PDE4A: variants seen among roughly 807,000 people sequenced by gnomAD.
The protein encoded by PDE4A is phosphodiesterase 4A.
PDE4A carries 21 observed loss-of-function variants against 73.9 expected under a neutral mutation model. That is an observed-to-expected ratio of 0.28 (90% CI 0.20 to 0.41). PDE4A has a LOEUF of 0.41. PDE4A is among the 10% of genes least tolerant of loss of function. The pLI is 1.00. For missense variants in PDE4A, 958 were observed against 1,211.4 expected (o/e 0.79, Z 3.10); for synonymous variants, 463 against 505.4 (o/e 0.92, Z 1.13).
chr19:10,417,664 C>A, upstream of PDE4A: 1 of 1,593,016 alleles, frequency 6.3e-7, no homozygotes, highest in South Asian at 1.1e-5. Flanking sequence ...CCCCAGAGGT[C>A]GAGGGAGACC....
intron 1 of PDE4A, chr19:10,430,900 C>G (rs760651202): frequency 1.3e-6 from 2 of 1,492,846 alleles, no homozygotes; most frequent in Non-Finnish European, 1.8e-6. Flanking sequence ...GTGGCCTTCC[C>G]GGTGGCGGTG....
In PDE4A at chr19:10,450,891, C is replaced by G. The variant is rs28395783; in HGVS notation, c.733C>G (p.Leu245Val). Residue 245 changes from leucine (L) to valine (V), a missense_variant, in exon 6 of 15, where the codon CTG (leucine) becomes GTG (valine). By Grantham distance (32) the Leu-to-Val change is conservative (BLOSUM62 1). Transcript: ENST00000380702. ...GGAGCTGGACTGGTGTCTGGAGCAG[C>G]TGGAGACCATGCAGACCTATCGCTC... Reference protein sequence around the residue: ...LEELDWCLEQLETMQTYRSVS... With the variant: ...LEELDWCLEQVETMQTYRSVS... 1 of 1,611,546 alleles carries G rather than the reference C, an allele frequency of 6.2e-7. No individual in the cohort carries two copies. The highest frequency in any genetic ancestry group is 1.3e-5 in the African/African-American group (1 of 75,020).
chr19:10,436,918 A>T (rs1465575425), intron 1 of PDE4A, among the ~76,000 whole-genome samples: 1 of 152,142 alleles, frequency 6.6e-6, no homozygotes, highest in African/African-American at 2.4e-5. Context: ...GCACACCTGT[A>T]GTCCCAGCTA....
intron 14 of PDE4A, among the ~76,000 whole-genome samples, chr19:10,464,878 G>A (rs770141783): frequency 1.1e-4 from 16 of 151,506 alleles, no homozygotes; most frequent in Admixed American, 2.0e-4. Flanking sequence ...CACCACACTC[G>A]GCTAATTTTT....
intron 1 of PDE4A, among the ~76,000 whole-genome samples, chr19:10,441,490 C>T (rs1186117224): frequency 1.3e-5 from 2 of 151,800 alleles, no homozygotes; most frequent in Non-Finnish European, 2.9e-5. Flanking sequence ...CTCCTGGTCT[C>T]AAGCCATCCT....
At chr19:10,447,715 C>G (rs763344930) in intron 2 of PDE4A, among the ~76,000 whole-genome samples, 10 of 152,176 alleles carry the variant, frequency 6.6e-5, no homozygotes, top group Non-Finnish European at 1.0e-4. Flanking sequence ...GAGTGCCCAC[C>G]CACTGTATCC....
chr19:10,417,372 G>T (rs1288354404), upstream of PDE4A: 6 of 985,290 alleles, frequency 6.1e-6, no homozygotes, highest in East Asian at 6.8e-4. Flanking sequence ...AAGGTGATGT[G>T]TTAGAGAGGT....
upstream of PDE4A, chr19:10,417,112 G>T: frequency 6.9e-7 from 1 of 1,450,380 alleles, no homozygotes; most frequent in Non-Finnish European, 9.1e-7. Flanking sequence ...TGAGGAGTTT[G>T]GTCCCCTCGT....
At chr19:10,435,902 C>G (rs1448583869) in intron 1 of PDE4A, among the ~76,000 whole-genome samples, 3 of 152,306 alleles carry the variant, frequency 2.0e-5, no homozygotes, top group South Asian at 2.1e-4. Flanking sequence ...AGTTCTATAG[C>G]CCTGTCCCCT....
At chr19:10,451,672 T>C (rs2043093549) in intron 6 of PDE4A, among the ~76,000 whole-genome samples, 2 of 151,988 alleles carry the variant, frequency 1.3e-5, no homozygotes, top group South Asian at 4.1e-4. Flanking sequence ...GCTCTATGTG[T>C]TTGTGAATGT....
intron 1 of PDE4A, 126 bp downstream of exon 1, chr19:10,421,210 A>G (rs2042647245): frequency 1.9e-5 from 25 of 1,333,178 alleles, no homozygotes; most frequent in Non-Finnish European, 2.4e-5. Flanking sequence ...GGGCGGAGGG[A>G]ATTCGGCTGC....
At chr19:10,452,989 C>A in intron 6 of PDE4A, 1 of 1,275,826 alleles carries the variant, frequency 7.8e-7, no homozygotes, top group Non-Finnish European at 9.9e-7. Context: ...CTTGCCCTGC[C>A]CCCCTCCCAT....
chr19:10,467,629 A>G lies in PDE4A; in HGVS notation c.*8A>G. 6.5e-7 allele frequency: 1 copy of G among 1,536,490 alleles called. No individual in the cohort carries two copies. Among genetic ancestry groups the G allele is most frequent in the Non-Finnish European group, 8.8e-7 (1 of 1,140,350 alleles). On this transcript the variant is annotated 3_prime_UTR_variant, in exon 15 of 15. Transcript: ENST00000380702. ...GGTGGAGACCCTACCTGATCCCCAG[A>G]CCTCTGTCCCTGTTCCCCTCCACTC...
chr19:10,429,246 GGGAAA>G lies in PDE4A; in HGVS notation c.320+8179_320+8183del, dbSNP rs781625005. On this transcript the variant is annotated intron_variant, in intron 1 of 14. Coordinates refer to ENST00000380702, the MANE Select transcript of PDE4A (RefSeq NM_001111307.2). ...AAAAGAAAGAAAGAGAGGGACGGAG[GGGAAA>G]GGAAAGGAAAGGAAAGAAGGAAGGA... Among the ~76,000 whole-genome samples, 1,073 of 149,304 alleles carry G rather than the reference GGGAAA, an allele frequency of 7.2e-3. 12 individuals are homozygous for G. Among genetic ancestry groups the G allele is most frequent in the African/African-American group, 0.024 (968 of 40,384 alleles).
intron 1 of PDE4A, among the ~76,000 whole-genome samples, chr19:10,440,859 A>C (rs1464380568): frequency 1.3e-5 from 2 of 151,592 alleles, no homozygotes; most frequent in Non-Finnish European, 2.9e-5. Context: ...CGGCCTCCCA[A>C]AGTGCTGGGA....
intron 14 of PDE4A, among the ~76,000 whole-genome samples, chr19:10,465,523 C>T (rs1164235470): frequency 6.6e-6 from 1 of 150,854 alleles, no homozygotes; most frequent in Non-Finnish European, 1.5e-5. Flanking sequence ...CCCAGCCTCC[C>T]CCTGCTCATT....
chr19:10,417,717 C>T, upstream of PDE4A: 1 of 1,592,174 alleles, frequency 6.3e-7, no homozygotes, highest in South Asian at 1.1e-5. Flanking sequence ...CGACCTGCGT[C>T]GCCCTCGCCG....
intron 14 of PDE4A, among the ~76,000 whole-genome samples, chr19:10,465,273 T>G (rs1056474328): frequency 1.2e-4 from 18 of 150,738 alleles, no homozygotes; most frequent in African/African-American, 4.4e-4. Flanking sequence ...CAGGCTGGAG[T>G]ACAGTGGTGC....
At chr19:10,422,476 C>A (rs1035464918) in intron 1 of PDE4A, among the ~76,000 whole-genome samples, 1 of 152,140 alleles carries the variant, frequency 6.6e-6, no homozygotes, top group Non-Finnish European at 1.5e-5. Context: ...TGTGCTCCAG[C>A]GATGTGTGCA....
Sources: allele counts gnomAD v4.1 joint callset (sites outside exome capture counted in the v4.1 genomes callset), GRCh38; gene constraint gnomAD v4.1.1; transcripts MANE v1.5; gene names NCBI Gene and HGNC (gene_info 2026-07-23, HGNC 2026-07-21).